COQ8A: variants seen among roughly 807,000 people sequenced by gnomAD.
COQ8A encodes the protein coenzyme Q8A.
A neutral mutation model predicts 65.0 loss-of-function variants in COQ8A; 51 were observed. That is an observed-to-expected ratio of 0.78 (90% CI 0.63 to 0.99). COQ8A has a LOEUF of 0.99. Ranked by LOEUF, COQ8A falls within the 50% of genes least tolerant of loss-of-function variation. COQ8A has a pLI of 0.00. For missense variants in COQ8A, 940 were observed against 875.0 expected (o/e 1.07, Z -0.94); for synonymous variants, 371 against 353.2 (o/e 1.05, Z -0.57).
chr1:226,982,034 G>A lies in COQ8A; in HGVS notation c.738G>A (p.Lys246=). 1 of 1,612,934 alleles carries A rather than the reference G, an allele frequency of 6.2e-7. No homozygotes were observed. The highest frequency in any genetic ancestry group is 1.3e-5 in the African/African-American group (1 of 75,054). ...SLRSEDPSGK[K]AVLGSSPFLS... is the part of the protein sequence containing the mutation. Reference sequence around the variant, plus strand: ...CCTCTTGCCCGCCCACAGGGAAGAAGGCCGTGCTGGGTTCCAGTCCTTTCC... The same window carrying A: ...CCTCTTGCCCGCCCACAGGGAAGAAAGCCGTGCTGGGTTCCAGTCCTTTCC... Residue 246 remains lysine (K), a synonymous_variant, in exon 6 of 15, where the codon AAG becomes AAA. Coordinates refer to ENST00000366777, the MANE Select transcript of COQ8A (RefSeq NM_020247.5).
chr1:226,945,160 A>G (rs1328545550), intron 1 of COQ8A, among the ~76,000 whole-genome samples: 2 of 152,194 alleles, frequency 1.3e-5, no homozygotes, highest in Non-Finnish European at 2.9e-5. Flanking sequence ...TCTGGGAACT[A>G]GACCTCCTCC....
intron 1 of COQ8A, among the ~76,000 whole-genome samples, chr1:226,960,439 GGTACTTGGTGGTGGTGGCA>G (rs1558187499): frequency 1.8e-4 from 28 of 151,804 alleles, no homozygotes; most frequent in Non-Finnish European, 3.5e-4. Context: ...GGTACTTGGT[GGTACTTGGTGGTGGTGGCA>G]GTACTTGGTG....
intron 3 of COQ8A, 58 bp downstream of exon 3, chr1:226,965,468 C>T: frequency 9.5e-6 from 15 of 1,579,486 alleles, no homozygotes; most frequent in Non-Finnish European, 1.1e-5. Context: ...CAGTGATGGC[C>T]TTGGGCTCTG....
chr1:226,986,802 T>C lies in COQ8A; in HGVS notation c.*65T>C. 3.8e-6 allele frequency: 6 copies of C among 1,564,580 alleles called. No homozygotes were observed. Among genetic ancestry groups the C allele is most frequent in the Non-Finnish European group, 5.2e-6 (6 of 1,158,022 alleles). On this transcript the variant is annotated 3_prime_UTR_variant, in exon 15 of 15. Transcript: ENST00000366777. ...CTCCCTCAGACAGGCCAAAAACCAG[T>C]AGCGAGGTCGTGGTGATGCTCTTTT...
At chr1:226,956,174 CCGCTCTCCCTGATTCA>C (rs1657736366) in intron 1 of COQ8A, among the ~76,000 whole-genome samples, 1 of 132,470 alleles carries the variant, frequency 7.5e-6, no homozygotes, top group Non-Finnish European at 1.6e-5. Flanking sequence ...TCCCTGGTTC[CCGCTCTCCCTGATTCA>C]CACTCTCCCT....
intron 1 of COQ8A, among the ~76,000 whole-genome samples, chr1:226,941,226 A>C (rs994261116): frequency 6.6e-6 from 1 of 152,194 alleles, no homozygotes; most frequent in African/African-American, 2.4e-5. Flanking sequence ...AGTCGGGCCT[A>C]CAGCCTGTTG....
Position 226,984,618 on chromosome 1 carries a change from A to G in COQ8A, c.1469A>G (p.Asn490Ser), listed in dbSNP as rs1659960033. 6.2e-7 allele frequency: 1 copy of G among 1,614,058 alleles called. No homozygotes were observed. The highest frequency in any genetic ancestry group is 8.5e-7 in the Non-Finnish European group (1 of 1,180,014). ...TTCCACTTCATGCAAACAGACCCCA[A>G]CTGGTCCAACTTCTTCTATGACCCC... is the stretch of plus-strand genomic sequence containing the variant. ...FEFHFMQTDP[N>S]WSNFFYDPQQ... Residue 490 changes from asparagine to serine, a missense_variant, in exon 12 of 15, where the codon AAC becomes AGC. By Grantham distance (46) the Asn-to-Ser change is conservative. Coordinates refer to ENST00000366777, the MANE Select transcript of COQ8A (RefSeq NM_020247.5).
intron 5 of COQ8A, among the ~76,000 whole-genome samples, chr1:226,981,185 C>G (rs1429834467): frequency 6.6e-6 from 1 of 152,224 alleles, no homozygotes; most frequent in African/African-American, 2.4e-5. Context: ...CCCCAGATCC[C>G]TGCTCAGGCC....
rs1657264929 is a variant in COQ8A, at chr1:226,949,821, C to A, written c.-10+9422C>A. The stretch of plus-strand genomic sequence containing the variant: ...CTACTATATGTCCTGAATGCTGTTA[C>A]ATGGATTTATCCAGTCCTTTCAAGA... On this transcript the variant is annotated intron_variant, in intron 1 of 14. Coordinates refer to ENST00000366777, the MANE Select transcript of COQ8A (RefSeq NM_020247.5). The surrounding 1 kb of genome is among the most constrained non-coding windows in gnomAD (Gnocchi z 4.0). Among the ~76,000 whole-genome samples the A allele has an allele frequency of 6.6e-6, 1 of 152,198 alleles. No individual in the cohort carries two copies. Among genetic ancestry groups the A allele is most frequent in the African/African-American group, 2.4e-5 (1 of 41,456 alleles).
Position 226,965,120 on chromosome 1 carries a change from G to T in COQ8A, c.298G>T (p.Asp100Tyr), listed in dbSNP as rs150696959. The part of the protein sequence containing the change: ...STDFSSASAP[D>Y]QSAPPSLGHA... Reference sequence around the variant, plus strand: ...AGACTTCTCTTCAGCCTCCGCTCCCGACCAGTCAGCGCCCCCATCCCTGGG... The same window carrying T: ...AGACTTCTCTTCAGCCTCCGCTCCCTACCAGTCAGCGCCCCCATCCCTGGG... Residue 100 changes from aspartate (D) to tyrosine (Y), a missense_variant, in exon 3 of 15, where the codon GAC becomes TAC. Physicochemically the swap from Asp to Tyr is radical, Grantham distance 160. Transcript: ENST00000366777. The T allele has an allele frequency of 4.1e-4, 658 of 1,613,938 alleles. 5 individuals are homozygous for T. In the African/African-American group the frequency reaches 5.2e-3, roughly 13 times the overall value.
intron 4 of COQ8A, among the ~76,000 whole-genome samples, chr1:226,977,167 G>A (rs567866788): frequency 6.6e-6 from 1 of 152,168 alleles, no homozygotes; most frequent in Non-Finnish European, 1.5e-5. Flanking sequence ...TTACTTTGGG[G>A]TGTCCGTGTG....
chr1:226,986,823 C>T lies in COQ8A; in HGVS notation c.*86C>T, dbSNP rs916541043. 20 of 1,503,528 alleles carry T rather than the reference C, an allele frequency of 1.3e-5. No homozygotes were observed. The highest frequency in any genetic ancestry group is 1.7e-5 in the Non-Finnish European group (19 of 1,115,752). 93.1% of individuals were successfully genotyped at this position (1,503,528 alleles called of 1,614,324 possible). A position where few individuals can be genotyped will look rare whatever the true frequency, so the allele number is the denominator to read the frequency against. On this transcript the variant is annotated 3_prime_UTR_variant, in exon 15 of 15. Coordinates refer to ENST00000366777, the MANE Select transcript of COQ8A (RefSeq NM_020247.5). Reference sequence around the variant, plus strand: ...CCAGTAGCGAGGTCGTGGTGATGCTCTTTTTAACTCCTTTGCCCAATAAGG... The same window carrying T: ...CCAGTAGCGAGGTCGTGGTGATGCTTTTTTTAACTCCTTTGCCCAATAAGG...
At chr1:226,958,644 T>C (rs1657960372) in intron 1 of COQ8A, among the ~76,000 whole-genome samples, 1 of 152,190 alleles carries the variant, frequency 6.6e-6, no homozygotes, top group African/African-American at 2.4e-5. Flanking sequence ...ACTTTTTATT[T>C]TGGTTTCATG....
chr1:226,982,073 T>G lies in COQ8A; in HGVS notation c.777T>G (p.Asn259Lys), dbSNP rs778140760. The G allele has an allele frequency of 6.2e-7, 1 of 1,612,854 alleles. No homozygotes were observed. Among genetic ancestry groups the G allele is most frequent in the South Asian group, 1.1e-5 (1 of 91,068 alleles). Residue 259 changes from asparagine (N) to lysine (K), a missense_variant, in exon 6 of 15, where the codon AAT becomes AAG. Coordinates refer to ENST00000366777, the MANE Select transcript of COQ8A (RefSeq NM_020247.5). ...CCAGTCCTTTCCTGTCCGAGGCCAATGCAGAGCGGATCGTGCGCACGCTCT... is the reference window on the plus strand; with the variant it reads ...CCAGTCCTTTCCTGTCCGAGGCCAAGGCAGAGCGGATCGTGCGCACGCTCT... ...LGSSPFLSEA[N>K]AERIVRTLCK...
At chr1:226,954,553 A>AT (rs567430207) in intron 1 of COQ8A, among the ~76,000 whole-genome samples, 421 of 152,348 alleles carry the variant, frequency 2.8e-3, no homozygotes, top group Non-Finnish European at 4.2e-3. Flanking sequence ...TCTTAAGGTG[A>AT]TTGAGACGTT....
rs1270926578 is a variant in COQ8A at position 226,984,937 on chromosome 1, T to C, written c.1568T>C (p.Ile523Thr). 1.9e-6 allele frequency: 3 copies of C among 1,613,858 alleles called. No individual in the cohort carries two copies. In the South Asian group the frequency reaches 3.3e-5, roughly 18 times the overall value. The change falls in exon 13 of 15, where the codon ATT becomes ACT. Residue 523 changes from isoleucine to threonine, a missense_variant. Physicochemically the swap from Ile to Thr is moderately conservative, Grantham distance 89. Coordinates refer to ENST00000366777, the MANE Select transcript of COQ8A (RefSeq NM_020247.5). ...EYDRSFTDLY[I>T]QIIRAAADRD... ...GACAGATCCTTCACCGACCTCTACA[T>C]TCAGGTAACTGGAGAGGGGCCCTGG...
At chr1:226,978,636 C>T (rs1325486920) in intron 5 of COQ8A, among the ~76,000 whole-genome samples, 1 of 82,580 alleles carries the variant, frequency 1.2e-5, no homozygotes, top group East Asian at 3.0e-4. Flanking sequence ...TCCACACACC[C>T]GCCCACCTCC....
At chr1:226,973,027 G>T (rs879339857) in intron 4 of COQ8A, among the ~76,000 whole-genome samples, 7 of 152,202 alleles carry the variant, frequency 4.6e-5, no homozygotes, top group Non-Finnish European at 1.0e-4. Flanking sequence ...GGACCCTTTG[G>T]CTGGGACCTT....
At chr1:226,955,328 C>T (rs1449918340) in intron 1 of COQ8A, among the ~76,000 whole-genome samples, 1 of 151,884 alleles carries the variant, frequency 6.6e-6, no homozygotes, top group Non-Finnish European at 1.5e-5. Context: ...CCCTGACTCC[C>T]ACTCTCCCTG....
Sources: gnomAD v4.1 joint callset for allele counts (sites outside exome capture counted in the v4.1 genomes callset) on GRCh38, gnomAD v4.1.1 for gene constraint, Gnocchi (gnomAD v3.1) non-coding constraint, MANE v1.5 for transcripts, NCBI Gene and HGNC (gene_info 2026-07-23, HGNC 2026-07-21) for gene names.